Variants in NELL2 observed in about 807,000 individuals in gnomAD.
The protein encoded by NELL2 is protein kinase C-binding protein NELL2.
In NELL2, 41 loss-of-function variants were observed where a neutral mutation model predicts 109.6. The observed-to-expected ratio is 0.37, with a 90% CI of 0.29 to 0.49. The LOEUF (loss-of-function observed/expected upper bound fraction) is 0.49. Ranked by LOEUF, NELL2 falls within the 20% of genes least tolerant of loss-of-function variation. NELL2 has a pLI of 0.98. For synonymous variants in NELL2, 355 were observed against 344.7 expected, an observed-to-expected ratio of 1.03 and a Z score of -0.33; for missense variants, 900 against 1,008.3, an observed-to-expected ratio of 0.89 and a Z score of 1.45.
chr12:44,530,564 G>A (rs954471627), intron 16 of NELL2, among the ~76,000 whole-genome samples: 10 of 152,280 alleles, frequency 6.6e-5, no homozygotes, highest in African/African-American at 2.2e-4. Context: ...TTGACTTGAT[G>A]CTAACAAATA....
chr12:44,831,133 T>C (rs1355325905), intron 2 of NELL2, among the ~76,000 whole-genome samples: 1 of 152,080 alleles, frequency 6.6e-6, no homozygotes, highest in African/African-American at 2.4e-5. Flanking sequence ...AACTCACTAT[T>C]TAAATACCAA....
intron 13 of NELL2, among the ~76,000 whole-genome samples, chr12:44,657,281 A>G (rs1312109547): frequency 3.9e-5 from 6 of 152,214 alleles, no homozygotes; most frequent in Admixed American, 2.0e-4. Context: ...AAATAAAAAT[A>G]TTTAACTCAT....
At chr12:44,593,746 A>T (rs913761382) in intron 15 of NELL2, among the ~76,000 whole-genome samples, 1 of 151,944 alleles carries the variant, frequency 6.6e-6, no homozygotes, top group South Asian at 2.1e-4. Flanking sequence ...TTCTCCACAC[A>T]CTCTCCTGCA....
At chr12:44,782,640 A>G (rs569018510) in intron 3 of NELL2, among the ~76,000 whole-genome samples, 3 of 152,090 alleles carry the variant, frequency 2.0e-5, no homozygotes, top group African/African-American at 7.2e-5. Flanking sequence ...AAAAATACCA[A>G]AGACAAACAG....
chr12:44,864,483 T>C (rs1342755248), intron 2 of NELL2, among the ~76,000 whole-genome samples: 2 of 152,142 alleles, frequency 1.3e-5, no homozygotes, highest in African/African-American at 2.4e-5. Context: ...AAGTACATTA[T>C]ATAAAGAGAT....
intron 9 of NELL2, among the ~76,000 whole-genome samples, chr12:44,723,253 G>A (rs535394804): frequency 2.0e-5 from 3 of 152,066 alleles, no homozygotes; most frequent in South Asian, 2.1e-4. Context: ...CTGAGGGTAG[G>A]ACTTGGGTCT....
At chr12:44,913,559 G>A (rs2136894980) in intron 1 of NELL2, among the ~76,000 whole-genome samples, 1 of 152,234 alleles carries the variant, frequency 6.6e-6, no homozygotes, top group Non-Finnish European at 1.5e-5. Context: ...ATAATTGGGA[G>A]GTCAAGGTAG....
At chr12:44,730,094 T>C (rs1015347024) in intron 9 of NELL2, among the ~76,000 whole-genome samples, 11 of 152,152 alleles carry the variant, frequency 7.2e-5, no homozygotes, top group Non-Finnish European at 1.3e-4. Context: ...CATGAATATA[T>C]GACAATTATA....
chr12:44,773,550 G>T (rs998087731), intron 9 of NELL2, among the ~76,000 whole-genome samples: 3 of 151,996 alleles, frequency 2.0e-5, no homozygotes, highest in Non-Finnish European at 4.4e-5. Context: ...AGCCATATAT[G>T]TATATATGGT....
intron 13 of NELL2, among the ~76,000 whole-genome samples, chr12:44,665,174 G>A (rs1202296757): frequency 6.6e-6 from 1 of 151,826 alleles, no homozygotes; most frequent in Non-Finnish European, 1.5e-5. Flanking sequence ...ATATCATTTA[G>A]GGACTGTTTC....
At chr12:44,576,431 G>T (rs562596537) in intron 15 of NELL2, among the ~76,000 whole-genome samples, 2 of 152,170 alleles carry the variant, frequency 1.3e-5, no homozygotes, top group Non-Finnish European at 2.9e-5. Flanking sequence ...AAGCAGGCTT[G>T]TGTTGAATAA....
chr12:44,536,005 T>C (rs1942278982), intron 15 of NELL2, among the ~76,000 whole-genome samples: 1 of 151,964 alleles, frequency 6.6e-6, no homozygotes, highest in Non-Finnish European at 1.5e-5. Flanking sequence ...AGATAATATA[T>C]ATAACTTCAT....
intron 13 of NELL2, among the ~76,000 whole-genome samples, chr12:44,624,247 C>T (rs1946157855): frequency 1.3e-5 from 2 of 152,002 alleles, no homozygotes; most frequent in African/African-American, 2.4e-5. Context: ...TATTTCTTGC[C>T]CTTGCTTCCT....
chr12:44,543,504 C>G (rs1230828412), intron 15 of NELL2, among the ~76,000 whole-genome samples: 1 of 152,092 alleles, frequency 6.6e-6, no homozygotes, highest in Non-Finnish European at 1.5e-5. Flanking sequence ...ATCCTATTTC[C>G]CATTCATGGA....
chr12:44,772,172 T>C (rs1221794072), intron 9 of NELL2, among the ~76,000 whole-genome samples: 1 of 152,216 alleles, frequency 6.6e-6, no homozygotes, highest in Non-Finnish European at 1.5e-5. Context: ...AATTTACTTC[T>C]ACTCCACTAA....
intron 1 of NELL2, among the ~76,000 whole-genome samples, chr12:44,890,794 C>T (rs1321762286): frequency 6.6e-6 from 1 of 151,738 alleles, no homozygotes; most frequent in African/African-American, 2.4e-5. Flanking sequence ...ACAATGGTGG[C>T]ATCTTGGCTC....
intron 13 of NELL2, among the ~76,000 whole-genome samples, chr12:44,656,633 G>C (rs1054495890): frequency 1.3e-5 from 2 of 152,198 alleles, no homozygotes; most frequent in African/African-American, 2.4e-5. Flanking sequence ...TAATGTTTTT[G>C]TGAAAGCTGA....
At chr12:44,519,143 C>A (rs1941409247) in intron 19 of NELL2, among the ~76,000 whole-genome samples, 1 of 152,116 alleles carries the variant, frequency 6.6e-6, no homozygotes, top group East Asian at 1.9e-4. Context: ...TTAAAAAAAT[C>A]AGAGCAGTTA....
At chr12:44,652,578 G>A (rs1947341277) in intron 13 of NELL2, among the ~76,000 whole-genome samples, 1 of 152,080 alleles carries the variant, frequency 6.6e-6, no homozygotes, top group South Asian at 2.1e-4. Context: ...ACTTGCTCCA[G>A]AATTATGTAT....
Sources: gnomAD v4.1 joint callset for allele counts (sites outside exome capture counted in the v4.1 genomes callset) on GRCh38, gnomAD v4.1.1 for gene constraint, MANE v1.5 for transcripts, NCBI Gene and HGNC (gene_info 2026-07-23, HGNC 2026-07-21) for gene names.